ROBO1: variants seen among roughly 807,000 people sequenced by gnomAD.
ROBO1 encodes the protein roundabout guidance receptor 1.
ROBO1 carries 149 observed loss-of-function variants against 195.9 expected under a neutral mutation model. That is an observed-to-expected ratio of 0.76 (90% CI 0.67 to 0.87). The LOEUF (loss-of-function observed/expected upper bound fraction) is 0.87, where lower values mean the gene tolerates loss of function less well. Ranked by LOEUF, ROBO1 falls within the 40% of genes least tolerant of loss-of-function variation. The pLI is 0.00. For missense variants in ROBO1, 1,933 were observed against 2,068.3 expected (o/e 0.93, Z 1.27); for synonymous variants, 816 against 733.2 (o/e 1.11, Z -1.82).
At chr3:79,679,980 G>T (rs528248539) in intron 1 of ROBO1, among the ~76,000 whole-genome samples, 1 of 151,926 alleles carries the variant, frequency 6.6e-6, no homozygotes, top group Non-Finnish European at 1.5e-5. Flanking sequence ...AATCAGCTCA[G>T]CATAGATTAT....
intron 2 of ROBO1, among the ~76,000 whole-genome samples, chr3:79,511,695 G>A (rs1268650146): frequency 6.6e-6 from 1 of 152,028 alleles, no homozygotes; most frequent in African/African-American, 2.4e-5. Context: ...GATAGACTAA[G>A]TAAAGAAAAT....
intron 2 of ROBO1, among the ~76,000 whole-genome samples, chr3:79,338,167 A>C (rs2034755985): frequency 6.6e-6 from 1 of 152,188 alleles, no homozygotes; most frequent in Non-Finnish European, 1.5e-5. Context: ...TTTATTGTTA[A>C]CTTTGGAATT....
At chr3:78,977,890 A>T (rs2076915934) in intron 3 of ROBO1, among the ~76,000 whole-genome samples, 1 of 152,116 alleles carries the variant, frequency 6.6e-6, no homozygotes, top group Admixed American at 6.6e-5. Context: ...ATATCTATAT[A>T]GTAAGCTGTT....
rs183272086 is a variant in ROBO1 at position 79,528,586 on chromosome 3, A to T, written c.88+61238T>A. ...CGTCTTTAATGAGAATTTGAGACTC[A>T]AAGTTTAGTGCTTACTAGTGTCTGT... On this transcript the variant is annotated intron_variant, in intron 2 of 30. Transcript: ENST00000464233. Among the ~76,000 whole-genome samples the T allele has an allele frequency of 4.6e-5, 7 of 152,326 alleles. No individual in the cohort carries two copies. The East Asian group carries it at 1.3e-3, about 29-fold the overall frequency.
At chr3:79,751,781 C>T (rs114932194) in intron 1 of ROBO1, among the ~76,000 whole-genome samples, 1 of 152,222 alleles carries the variant, frequency 6.6e-6, no homozygotes, top group African/African-American at 2.4e-5. Flanking sequence ...TTTCTTTACT[C>T]ATAGGATCAT....
intron 2 of ROBO1, among the ~76,000 whole-genome samples, chr3:79,471,008 G>A (rs1938242762): frequency 6.6e-6 from 1 of 152,158 alleles, no homozygotes; most frequent in Non-Finnish European, 1.5e-5. Context: ...AGTGGAATCA[G>A]CAGCCAGTTG....
chr3:78,638,203 G>C (rs2107546644), intron 22 of ROBO1, among the ~76,000 whole-genome samples: 1 of 138,990 alleles, frequency 7.2e-6, no homozygotes, highest in East Asian at 2.0e-4. Context: ...GTGTGTATGT[G>C]TGTATATATA....
chr3:79,158,944 T>C (rs967126701), intron 2 of ROBO1, among the ~76,000 whole-genome samples: 2 of 151,976 alleles, frequency 1.3e-5, no homozygotes, highest in African/African-American at 4.8e-5. Flanking sequence ...TAGTTATAAA[T>C]ATAGATTAGG....
At chr3:79,757,178 A>G (rs1384923773) in intron 1 of ROBO1, among the ~76,000 whole-genome samples, 4 of 152,206 alleles carry the variant, frequency 2.6e-5, no homozygotes, top group Admixed American at 6.5e-5. Context: ...ATATGTACCC[A>G]GAAGTAGAAT....
At chr3:79,058,001 C>T (rs747675332) in intron 3 of ROBO1, among the ~76,000 whole-genome samples, 21 of 151,914 alleles carry the variant, frequency 1.4e-4, no homozygotes, top group African/African-American at 3.6e-4. Context: ...GCTTATCTTC[C>T]GGAGAGATCA....
At chr3:79,500,819 C>A (rs1445516264) in intron 2 of ROBO1, among the ~76,000 whole-genome samples, 1 of 152,154 alleles carries the variant, frequency 6.6e-6, no homozygotes, top group East Asian at 1.9e-4. Context: ...ATCATCTATT[C>A]CAATACCGTA....
At chr3:79,566,303 T>A (rs1210729490) in intron 2 of ROBO1, among the ~76,000 whole-genome samples, 1 of 152,178 alleles carries the variant, frequency 6.6e-6, no homozygotes, top group Non-Finnish European at 1.5e-5. Context: ...CAGCGGATAT[T>A]AACAAGTTTA....
chr3:78,711,391 C>T (rs1457891665), intron 8 of ROBO1, among the ~76,000 whole-genome samples: 2 of 43,864 alleles, frequency 4.6e-5, no homozygotes, highest in Admixed American at 2.4e-4. Flanking sequence ...TCCTTCCTTC[C>T]TTCCTTCCTT....
At chr3:78,881,711 C>A (rs2036194265) in intron 4 of ROBO1, among the ~76,000 whole-genome samples, 1 of 152,094 alleles carries the variant, frequency 6.6e-6, no homozygotes, top group Admixed American at 6.6e-5. Flanking sequence ...AGGCCCGTGG[C>A]CTGATACAGC....
chr3:79,712,202 A>T (rs1702305202), intron 1 of ROBO1, among the ~76,000 whole-genome samples: 1 of 152,198 alleles, frequency 6.6e-6, no homozygotes, highest in African/African-American at 2.4e-5. Flanking sequence ...TGAGGAAGGC[A>T]TATCAAAAGC....
chr3:79,037,644 A>G (rs964641253), intron 3 of ROBO1, among the ~76,000 whole-genome samples: 8 of 152,194 alleles, frequency 5.3e-5, no homozygotes, highest in Non-Finnish European at 7.3e-5. Context: ...TTAATGTGCA[A>G]AAGTGTGTGA....
At chr3:79,676,233 TAAG>T (rs1192998593) in intron 1 of ROBO1, among the ~76,000 whole-genome samples, 10 of 152,066 alleles carry the variant, frequency 6.6e-5, no homozygotes, top group Non-Finnish European at 1.2e-4. Context: ...AACTGTAAAA[TAAG>T]AATACCCATA....
chr3:78,860,344 A>G (rs2034756846), intron 4 of ROBO1, among the ~76,000 whole-genome samples: 1 of 84,960 alleles, frequency 1.2e-5, no homozygotes, highest in African/African-American at 4.7e-5. Flanking sequence ...TTTTTTACTC[A>G]TAAGGTGTTT....
At chr3:79,484,582 T>A (rs1214189893) in intron 2 of ROBO1, among the ~76,000 whole-genome samples, 1 of 151,894 alleles carries the variant, frequency 6.6e-6, no homozygotes, top group African/African-American at 2.4e-5. Flanking sequence ...AAGGATTCTT[T>A]TACAATTTAG....
Sources: allele counts gnomAD v4.1 joint callset (sites outside exome capture counted in the v4.1 genomes callset), GRCh38; gene constraint gnomAD v4.1.1; transcripts MANE v1.5; gene names NCBI Gene and HGNC (gene_info 2026-07-23, HGNC 2026-07-21).